Variants in FGF10 observed in about 807,000 individuals in gnomAD.
FGF10 encodes fibroblast growth factor 10.
Under a neutral mutation model 19.8 loss-of-function variants are expected in FGF10, and 2 were observed. That is an observed-to-expected ratio of 0.10 (90% CI 0.04 to 0.32). The LOEUF (loss-of-function observed/expected upper bound fraction) is 0.32, where lower values mean the gene tolerates loss of function less well. Among genes scored for constraint, FGF10 ranks in the 10% least tolerant of loss-of-function variants. FGF10 has a pLI of 1.00. For synonymous variants in FGF10, 112 were observed against 94.0 expected (o/e 1.19, Z -1.10); for missense variants, 191 against 246.3 (o/e 0.78, Z 1.50).
intron 1 of FGF10, among the ~76,000 whole-genome samples, chr5:44,354,969 A>G (rs1202656277): frequency 6.6e-6 from 1 of 151,420 alleles, no homozygotes; most frequent in Non-Finnish European, 1.5e-5. Flanking sequence ...TTTTTCATTC[A>G]TCAGGCTATC....
chr5:44,327,173 G>A (rs576042016), intron 1 of FGF10, among the ~76,000 whole-genome samples: 19 of 152,196 alleles, frequency 1.2e-4, no homozygotes, highest in African/African-American at 4.3e-4. Context: ...AATAATAAAC[G>A]TGTACCATGA....
rs1739949417 is a variant in FGF10, at chr5:44,300,641, A to T, written c.*4354T>A. Among the ~76,000 whole-genome samples the T allele has an allele frequency of 6.6e-6, 1 of 152,148 alleles. No individual in the cohort carries two copies. The highest frequency in any genetic ancestry group is 2.4e-5 in the African/African-American group (1 of 41,448). Reference sequence around the variant, plus strand: ...ATTGGTGGGAAATATAGGAATAGAAAATGTTTTTATGTCACAGCTTCATTT... The same window carrying T: ...ATTGGTGGGAAATATAGGAATAGAATATGTTTTTATGTCACAGCTTCATTT... On this transcript the variant is annotated 3_prime_UTR_variant, in exon 3 of 3. Transcript: ENST00000264664.
At chr5:44,321,976 T>C (rs1479709853) in intron 1 of FGF10, among the ~76,000 whole-genome samples, 1 of 152,176 alleles carries the variant, frequency 6.6e-6, no homozygotes, top group Non-Finnish European at 1.5e-5. Context: ...TTGGCCAGGC[T>C]GGCATTGAAC....
At chr5:44,305,702 A>G (rs1037360182) in intron 2 of FGF10, among the ~76,000 whole-genome samples, 1 of 152,124 alleles carries the variant, frequency 6.6e-6, no homozygotes. Flanking sequence ...TAGCAAAACC[A>G]CAATAGTTCT....
chr5:44,328,912 GTTTGAGCCCAGGAGT>G (rs1281552706), intron 1 of FGF10, among the ~76,000 whole-genome samples: 46 of 152,288 alleles, frequency 3.0e-4, no homozygotes, highest in Non-Finnish European at 6.0e-4. Context: ...TTGGGAGGAT[GTTTGAGCCCAGGAGT>G]TTGAAGCTGC....
At chr5:44,321,315 G>A (rs1422187667) in intron 1 of FGF10, among the ~76,000 whole-genome samples, 2 of 152,224 alleles carry the variant, frequency 1.3e-5, no homozygotes, top group African/African-American at 4.8e-5. Context: ...ACCATGGTAT[G>A]TAGTCTAGGT....
chr5:44,325,378 T>C (rs1212306946), intron 1 of FGF10, among the ~76,000 whole-genome samples: 1 of 151,952 alleles, frequency 6.6e-6, no homozygotes, highest in African/African-American at 2.4e-5. Flanking sequence ...AGCCATCCCA[T>C]TACTGGGTAT....
intron 1 of FGF10, among the ~76,000 whole-genome samples, chr5:44,321,254 T>C (rs558063898): frequency 7.9e-5 from 12 of 152,240 alleles, no homozygotes; most frequent in African/African-American, 2.4e-4. Flanking sequence ...GACCAATTGA[T>C]GAAATAGCAG....
chr5:44,360,504 G>T (rs1561214103), intron 1 of FGF10, among the ~76,000 whole-genome samples: 1 of 151,492 alleles, frequency 6.6e-6, no homozygotes, highest in Non-Finnish European at 1.5e-5. Flanking sequence ...CCATCACTTT[G>T]AATTCCCTGC....
intron 1 of FGF10, among the ~76,000 whole-genome samples, chr5:44,311,469 G>A (rs569005709): frequency 6.6e-6 from 1 of 152,148 alleles, no homozygotes; most frequent in South Asian, 2.1e-4. Context: ...CAAAATGTCT[G>A]GGTTCAACTC....
At chr5:44,372,360 C>T (rs1027909384) in intron 1 of FGF10, among the ~76,000 whole-genome samples, 2 of 152,136 alleles carry the variant, frequency 1.3e-5, no homozygotes, top group Admixed American at 1.3e-4. Context: ...CTCTGCTTCT[C>T]TCTTATAAGG....
intron 1 of FGF10, among the ~76,000 whole-genome samples, chr5:44,313,147 T>C (rs1322458675): frequency 6.6e-6 from 1 of 152,084 alleles, no homozygotes; most frequent in Non-Finnish European, 1.5e-5. Flanking sequence ...ACATAGGTGA[T>C]TTAATATCCT....
intron 1 of FGF10, among the ~76,000 whole-genome samples, chr5:44,310,857 A>C (rs961662537): frequency 6.6e-6 from 1 of 152,150 alleles, no homozygotes; most frequent in Non-Finnish European, 1.5e-5. Context: ...ATATTGAAAC[A>C]ACTCTACTCA....
intron 1 of FGF10, among the ~76,000 whole-genome samples, chr5:44,354,325 C>T (rs1469225625): frequency 6.6e-6 from 1 of 151,330 alleles, no homozygotes; most frequent in Non-Finnish European, 1.5e-5. Flanking sequence ...CTCACATGGA[C>T]TAAGAGGAAG....
At chr5:44,362,543 T>C (rs1459910514) in intron 1 of FGF10, among the ~76,000 whole-genome samples, 1 of 151,716 alleles carries the variant, frequency 6.6e-6, no homozygotes, top group Non-Finnish European at 1.5e-5. Context: ...ACACTAGTGT[T>C]ATTCACAGGA....
intron 1 of FGF10, among the ~76,000 whole-genome samples, chr5:44,360,079 T>C (rs888410293): frequency 6.6e-6 from 1 of 151,444 alleles, no homozygotes; most frequent in Admixed American, 6.6e-5. Flanking sequence ...AAATTTGCAT[T>C]GACCAGTATT....
chr5:44,370,303 T>C (rs974664218), intron 1 of FGF10, among the ~76,000 whole-genome samples: 2 of 152,112 alleles, frequency 1.3e-5, no homozygotes, highest in Non-Finnish European at 2.9e-5. Context: ...GGGCATTCTA[T>C]CTCTAAGAAA....
intron 1 of FGF10, among the ~76,000 whole-genome samples, chr5:44,328,815 T>C (rs917215769): frequency 3.9e-5 from 6 of 152,146 alleles, no homozygotes; most frequent in South Asian, 4.1e-4. Flanking sequence ...AAGACAAATA[T>C]GTATTCTCAC....
intron 1 of FGF10, among the ~76,000 whole-genome samples, chr5:44,349,496 A>G (rs1200340201): frequency 1.7e-5 from 2 of 121,202 alleles, no homozygotes; most frequent in African/African-American, 6.1e-5. Flanking sequence ...ATCAGAATAT[A>G]TATATATGTG....
Sources: gnomAD v4.1 joint callset for allele counts (sites outside exome capture counted in the v4.1 genomes callset) on GRCh38, gnomAD v4.1.1 for gene constraint, MANE v1.5 for transcripts, NCBI Gene and HGNC (gene_info 2026-07-23, HGNC 2026-07-21) for gene names.